The following CLIC5 variants were observed in gnomAD, a reference collection of about 807,000 sequenced individuals.
CLIC5 encodes chloride intracellular channel protein 5.
In CLIC5, 20 loss-of-function variants were observed where a neutral mutation model predicts 24.7. The ratio of observed to expected loss-of-function variants is 0.81; its 90% CI spans 0.57 to 1.18. The LOEUF (loss-of-function observed/expected upper bound fraction) is 1.18, where lower values mean the gene tolerates loss of function less well. Among genes scored for constraint, CLIC5 ranks in the 50% most tolerant of loss-of-function variants. The pLI is 0.00. For synonymous variants in CLIC5, 159 were observed against 135.6 expected, an observed-to-expected ratio of 1.17 and a Z score of -1.20; for missense variants, 341 against 326.1, an observed-to-expected ratio of 1.05 and a Z score of -0.35.
At chr6:46,078,166 C>T (rs9381420) in intron 1 of CLIC5, among the ~76,000 whole-genome samples, 18,095 of 152,058 alleles carry the variant, frequency 0.12, 1,585 homozygotes, top group South Asian at 0.33. Flanking sequence ...TTGAGACCAG[C>T]CTGGCCAACA....
intron 5 of CLIC5, chr6:45,911,823 G>A (rs145606105): frequency 1.3e-4 from 128 of 985,428 alleles, no homozygotes; most frequent in East Asian, 2.3e-4. Flanking sequence ...CTCTCCCAAC[G>A]AAGACCTGTG....
chr6:45,890,381 T>G (rs1762338089), intron 6 of CLIC5, among the ~76,000 whole-genome samples: 1 of 152,292 alleles, frequency 6.6e-6, no homozygotes, highest in African/African-American at 2.4e-5. Flanking sequence ...ACATCAGACC[T>G]ATTAGATTGG....
chr6:46,082,032 C>CT (rs567694857), upstream of CLIC5, among the ~76,000 whole-genome samples: 525 of 152,200 alleles, frequency 3.4e-3, 4 homozygotes, highest in Non-Finnish European at 3.9e-3. Flanking sequence ...AAAAGAGTAA[C>CT]TTTTTTTTCT....
chr6:45,970,666 A>G (rs1204259692), intron 1 of CLIC5, among the ~76,000 whole-genome samples: 1 of 152,228 alleles, frequency 6.6e-6, no homozygotes, highest in East Asian at 1.9e-4. Context: ...GCCCTACCAT[A>G]TTTTCTCTCA....
intron 2 of CLIC5, among the ~76,000 whole-genome samples, chr6:45,954,192 A>T (rs1581786279): frequency 1.3e-5 from 2 of 150,844 alleles, no homozygotes; most frequent in Admixed American, 1.3e-4. Context: ...AGAATTGCTT[A>T]AACCCAGGAG....
At chr6:45,924,021 A>G (rs1230453682) in intron 4 of CLIC5, among the ~76,000 whole-genome samples, 1 of 152,216 alleles carries the variant, frequency 6.6e-6, no homozygotes, top group African/African-American at 2.4e-5. Context: ...AGTGCCCGGC[A>G]TGCTGTAAGC....
chr6:46,109,912 C>G, the CLIC5 span, among the ~76,000 whole-genome samples: 2 of 145,494 alleles, frequency 1.4e-5, no homozygotes, highest in East Asian at 3.9e-4. Context: ...GGGTCTAAAA[C>G]CCCTTGTGGC....
At chr6:46,098,369 T>C in the CLIC5 span, among the ~76,000 whole-genome samples, 777 of 152,328 alleles carry the variant, frequency 5.1e-3, 6 homozygotes, top group Non-Finnish European at 8.5e-3. Context: ...TTGAATGTTA[T>C]TGAAATTGAA....
At chr6:46,039,273 T>C (rs1767742552) in intron 1 of CLIC5, among the ~76,000 whole-genome samples, 1 of 152,132 alleles carries the variant, frequency 6.6e-6, no homozygotes. Flanking sequence ...TTCTGGATTT[T>C]AAAATATGTG....
At chr6:46,119,046 A>G in the CLIC5 span, among the ~76,000 whole-genome samples, 1 of 152,216 alleles carries the variant, frequency 6.6e-6, no homozygotes, top group Non-Finnish European at 1.5e-5. Flanking sequence ...CGAGGAATAT[A>G]GGTGGCCTCT....
rs79712931 is a variant in CLIC5 at position 45,946,254 on chromosome 6, C to T, written c.299+3002G>A. ...AAAGGCAAGGGCCAGAATGTCTCAA[C>T]AGTAATCCCAGCATTAATCACAACA... is the stretch of plus-strand genomic sequence containing the variant. On this transcript the variant is annotated intron_variant, in intron 3 of 5. Coordinates refer to ENST00000339561, the MANE Select transcript of CLIC5 (RefSeq NM_016929.5). Among the ~76,000 whole-genome samples the T allele has an allele frequency of 3.8e-4, 58 of 152,342 alleles. 1 individual carries two copies. The highest frequency in any genetic ancestry group is 7.3e-4 in the Non-Finnish European group (50 of 68,034).
chr6:46,018,227 G>T (rs1433724404), upstream of CLIC5, among the ~76,000 whole-genome samples: 1 of 152,098 alleles, frequency 6.6e-6, no homozygotes, highest in Non-Finnish European at 1.5e-5. Context: ...GAGGGTTTTG[G>T]TTTTTTGTTT....
At chr6:46,076,796 A>T (rs1391261772) in intron 1 of CLIC5, among the ~76,000 whole-genome samples, 1 of 152,152 alleles carries the variant, frequency 6.6e-6, no homozygotes, top group Non-Finnish European at 1.5e-5. Context: ...TTTTATATTT[A>T]TTTGTTTATT....
chr6:45,965,839 C>T (rs551393560), intron 1 of CLIC5, among the ~76,000 whole-genome samples: 1 of 152,178 alleles, frequency 6.6e-6, no homozygotes, highest in South Asian at 2.1e-4. Flanking sequence ...TTAATGGCAG[C>T]TCTTGATCGT....
In CLIC5 at chr6:45,997,360, G is replaced by T. The variant is rs1000183051; in HGVS notation, c.63+18120C>A. On this transcript the variant is annotated intron_variant, in intron 1 of 5. Transcript: ENST00000339561. ...CACACTCTGGGGACTGTTGTGGGGTGGGGGGAGGGGGGAGGGATAGCATTG... is the reference window on the plus strand; with the variant it reads ...CACACTCTGGGGACTGTTGTGGGGTTGGGGGAGGGGGGAGGGATAGCATTG... 5.1e-5 allele frequency among the ~76,000 whole-genome samples: 6 copies of T among 118,532 alleles called. No homozygotes were observed. The East Asian group carries it at 1.5e-3, about 29-fold the overall frequency. The allele number at this position is 118,532 out of a possible 152,430, so 77.8% of individuals were successfully genotyped here. A position where few individuals can be genotyped will look rare whatever the true frequency, so the allele number is the denominator to read the frequency against.
intron 4 of CLIC5, among the ~76,000 whole-genome samples, chr6:45,932,335 G>A (rs537795940): frequency 1.5e-4 from 23 of 152,112 alleles, no homozygotes; most frequent in Admixed American, 3.3e-4. Context: ...TCTCAAACTC[G>A]TGACCTCGTG....
At chr6:46,071,122 C>T (rs952249143) in intron 1 of CLIC5, among the ~76,000 whole-genome samples, 13 of 152,062 alleles carry the variant, frequency 8.5e-5, no homozygotes, top group Non-Finnish European at 1.5e-5. Flanking sequence ...CTATAAAAAC[C>T]TTGGAAGACA....
intron 1 of CLIC5, among the ~76,000 whole-genome samples, chr6:45,990,758 C>T (rs1237690809): frequency 6.6e-6 from 1 of 152,204 alleles, no homozygotes; most frequent in East Asian, 1.9e-4. Flanking sequence ...CTTGAGTTTG[C>T]AATATAATGA....
At chr6:46,117,424 C>T in the CLIC5 span, among the ~76,000 whole-genome samples, 1 of 152,186 alleles carries the variant, frequency 6.6e-6, no homozygotes, top group Non-Finnish European at 1.5e-5. Context: ...AAACAGTAAA[C>T]TAATACATGC....
Sources: gnomAD v4.1 joint callset for allele counts (sites outside exome capture counted in the v4.1 genomes callset) on GRCh38, gnomAD v4.1.1 for gene constraint, MANE v1.5 for transcripts, NCBI Gene and HGNC (gene_info 2026-07-23, HGNC 2026-07-21) for gene names.